ARAP1: variants seen among roughly 807,000 people sequenced by gnomAD.
ARAP1 encodes ArfGAP with RhoGAP domain, ankyrin repeat and PH domain 1.
ARAP1 carries 76 observed loss-of-function variants against 172.2 expected under a neutral mutation model. The observed-to-expected ratio is 0.44, with a 90% confidence interval of 0.37 to 0.53. The LOEUF (loss-of-function observed/expected upper bound fraction) is 0.53, where lower values mean the gene tolerates loss of function less well. ARAP1 is among the 20% of genes least tolerant of loss of function. ARAP1 has a pLI of 0.00. For missense variants in ARAP1, 1,686 were observed against 1,977.5 expected, an observed-to-expected ratio of 0.85 and a Z score of 2.80; for synonymous variants, 804 against 803.3, an observed-to-expected ratio of 1.00 and a Z score of -0.01.
chr11:72,696,752 C>T (rs2135505227), intron 22 of ARAP1, 98 bp from the exon 23 acceptor site: 1 of 1,073,896 alleles, frequency 9.3e-7, no homozygotes, highest in Non-Finnish European at 1.3e-6. Flanking sequence ...TGACAGCAGT[C>T]CCTGTGCCCT....
At chr11:72,749,805 C>T (rs1858481659) in intron 1 of ARAP1, among the ~76,000 whole-genome samples, 1 of 151,818 alleles carries the variant, frequency 6.6e-6, no homozygotes, top group Admixed American at 6.6e-5. Context: ...TGGCATGAAC[C>T]CAGAAGGTGG....
At position 72,697,309 on chromosome 11, in the gene ARAP1, G is replaced by T. The variant is rs374949815; in HGVS notation, c.2953+14C>A. The T allele has an allele frequency of 5.7e-5, 90 of 1,576,960 alleles. No individual in the cohort carries two copies. In the African/African-American group the frequency reaches 1.2e-3, roughly 21 times the overall value. On this transcript the variant is annotated intron_variant, in intron 21 of 34. Coordinates refer to ENST00000393609, the MANE Select transcript of ARAP1 (RefSeq NM_001040118.3). ...CGGGAGGGGCGGGGCTGGCACCCTAGGGGCAGGGCTCACCGCACTGCGTGA... is the reference window on the plus strand; with the variant it reads ...CGGGAGGGGCGGGGCTGGCACCCTATGGGCAGGGCTCACCGCACTGCGTGA...
chr11:72,714,279 T>A lies in ARAP1; in HGVS notation c.552A>T (p.Ser184=). 6.5e-7 allele frequency: 1 copy of A among 1,542,570 alleles called. No individual in the cohort carries two copies. Among genetic ancestry groups the A allele is most frequent in the Non-Finnish European group, 8.7e-7 (1 of 1,144,216 alleles). The change falls in exon 4 of 35, where the codon TCA becomes TCT. Residue 184 remains serine, a synonymous_variant. Coordinates refer to ENST00000393609, the MANE Select transcript of ARAP1 (RefSeq NM_001040118.3). ...KEEESLLPSL[S]SPPQPQSEEP... ...CCTCAGACTGTGGCTGGGGAGGGGA[T>A]GATAATGATGGCAGCAATGACTCCT...
At position 72,688,505 on chromosome 11, in the gene ARAP1, C is replaced by T. The variant is rs752770427; in HGVS notation, c.4020G>A (p.Lys1340=). 2 of 1,612,582 alleles carry T rather than the reference C, an allele frequency of 1.2e-6. No individual in the cohort carries two copies. The highest frequency in any genetic ancestry group is 1.3e-5 in the African/African-American group (1 of 74,886). The part of the protein sequence containing the change: ...SHRPEKEWPI[K]SLKVYLGVKK... ...TCACTCCCAGGTAGACTTTGAGACT[C>T]TTAATAGGCCACTCCTTCTCAGGCC... The change falls in exon 31 of 35, where the codon AAG becomes AAA. Residue 1340 remains lysine (K), a synonymous_variant. Coordinates refer to ENST00000393609, the MANE Select transcript of ARAP1 (RefSeq NM_001040118.3).
At chr11:72,691,175 C>T (rs1855918328) in intron 30 of ARAP1, among the ~76,000 whole-genome samples, 1 of 152,224 alleles carries the variant, frequency 6.6e-6, no homozygotes, top group Non-Finnish European at 1.5e-5. Context: ...GGGCAAGTCA[C>T]ACAAAGCCTG....
Position 72,695,885 on chromosome 11 carries a change from G to A in ARAP1, c.3273-20C>T, listed in dbSNP as rs181489523. ...TGAACACTGGAGAGGGGAGGAGGAG[G>A]GCTTTGAGTGAGGAGTCAGGCCAGA... On this transcript the variant is annotated intron_variant, in intron 23 of 34. Coordinates refer to ENST00000393609, the MANE Select transcript of ARAP1 (RefSeq NM_001040118.3). This position sits in a 1 kb window ranked among gnomAD's most constrained non-coding sequence, Gnocchi z 4.4. 53 of 1,601,428 alleles carry A rather than the reference G, an allele frequency of 3.3e-5. No homozygotes were observed. In the African/African-American group the frequency reaches 5.7e-4, roughly 17 times the overall value.
intron 3 of ARAP1, among the ~76,000 whole-genome samples, chr11:72,718,337 C>A (rs1857370749): frequency 6.6e-6 from 1 of 151,988 alleles, no homozygotes; most frequent in South Asian, 2.1e-4. Flanking sequence ...TCACTGCTTG[C>A]ACCCCTAAGA....
In ARAP1 at chr11:72,695,744, T is replaced by C. The variant is rs1856160245; in HGVS notation, c.3394A>G (p.Ile1132Val). 1 of 1,614,084 alleles carries C rather than the reference T, an allele frequency of 6.2e-7. No individual in the cohort carries two copies. The highest frequency in any genetic ancestry group is 1.7e-5 in the Admixed American group (1 of 59,998). Residue 1132 changes from isoleucine (I) to valine (V), a missense_variant, in exon 24 of 35, where the codon ATT becomes GTT. Coordinates refer to ENST00000393609, the MANE Select transcript of ARAP1 (RefSeq NM_001040118.3). The surrounding 1 kb of genome is among the most constrained non-coding windows in gnomAD (Gnocchi z 4.4). ...YKAGRVVEDL[I>V]NHYVVVFSVD... is the part of the protein sequence containing the mutation. ...CTAAACACCACCACATAGTGGTTAA[T>C]GAGGTCTTCCACCACACGGCCAGCC...
At chr11:72,739,161 G>A (rs1038271311) in intron 1 of ARAP1, among the ~76,000 whole-genome samples, 2 of 152,150 alleles carry the variant, frequency 1.3e-5, no homozygotes, top group South Asian at 2.1e-4. Flanking sequence ...TACAGCCTTC[G>A]AGTGGGCAGC....
intron 30 of ARAP1, 109 bp downstream of exon 30, chr11:72,692,644 C>A (rs560417410): frequency 2.8e-6 from 4 of 1,433,850 alleles, no homozygotes; most frequent in Admixed American, 3.4e-5. Context: ...GGGCAGGGAT[C>A]CATGCCTGGA....
chr11:72,716,998 T>C (rs2135554236), intron 3 of ARAP1, among the ~76,000 whole-genome samples: 1 of 152,262 alleles, frequency 6.6e-6, no homozygotes, highest in South Asian at 2.1e-4. Context: ...CTGAGTCCCT[T>C]TGGGGCAGGG....
Position 72,710,460 on chromosome 11 carries a change from C to T in ARAP1, c.1341G>A (p.Leu447=). The T allele has an allele frequency of 6.2e-7, 1 of 1,614,102 alleles. No individual in the cohort carries two copies. Among genetic ancestry groups the T allele is most frequent in the South Asian group, 1.1e-5 (1 of 91,086 alleles). ...GCTTATTCTTGAAGCCACGAAGCTC[C>T]AGGCTGCCAGCGCGGTCAGGCTGCT... ...GSEQPDRAGS[L]ELRGFKNKLY... is the part of the protein sequence containing the mutation. The change falls in exon 10 of 35, where the codon CTG becomes CTA. Residue 447 remains leucine, a synonymous_variant. Transcript: ENST00000393609. The surrounding 1 kb of genome is among the most constrained non-coding windows in gnomAD (Gnocchi z 4.3).
rs1470903348 is a variant in ARAP1, at chr11:72,726,644, G to A, written c.485C>T (p.Thr162Ile). The change falls in exon 3 of 35, where the codon ACC becomes ATC. Residue 162 changes from threonine (T) to isoleucine (I), a missense_variant. This residue lies in a region of ARAP1 where 155 missense variants were observed against 129.2 expected (regional missense o/e 1.20). Coordinates refer to ENST00000393609, the MANE Select transcript of ARAP1 (RefSeq NM_001040118.3). This position sits in a 1 kb window ranked among gnomAD's most constrained non-coding sequence, Gnocchi z 6.5. ...CCTCACCAGCAGGCGGGGGGGTCCG[G>A]TGCGGGGCGGCACGGGTGGAACGCT... is the stretch of plus-strand genomic sequence containing the variant. ...ELSVPPVPPR[T>I]GPPRLLVSLP... 2 of 1,526,962 alleles carry A rather than the reference G, an allele frequency of 1.3e-6. No individual in the cohort carries two copies. Among genetic ancestry groups the A allele is most frequent in the Non-Finnish European group, 1.8e-6 (2 of 1,135,906 alleles). The allele number at this position is 1,526,962 out of a possible 1,614,324, so 94.6% of individuals were successfully genotyped here. A position where few individuals can be genotyped will look rare whatever the true frequency, so the allele number is the denominator to read the frequency against.
chr11:72,717,168 T>A (rs1857312389), intron 3 of ARAP1, among the ~76,000 whole-genome samples: 1 of 151,988 alleles, frequency 6.6e-6, no homozygotes, highest in Admixed American at 6.5e-5. Context: ...TGAGCTGGGG[T>A]GCTGGCCCCA....
chr11:72,728,596 A>G (rs1857768868), intron 2 of ARAP1, among the ~76,000 whole-genome samples: 2 of 152,210 alleles, frequency 1.3e-5, no homozygotes. Flanking sequence ...AAAAACAAAA[A>G]CAAAAACAAA....
At chr11:72,729,045 A>G (rs1335206052) in intron 2 of ARAP1, among the ~76,000 whole-genome samples, 2 of 152,356 alleles carry the variant, frequency 1.3e-5, no homozygotes, top group East Asian at 1.9e-4. Flanking sequence ...TAAAGCCACA[A>G]TGATTAAAAC....
intron 4 of ARAP1, among the ~76,000 whole-genome samples, 155 bp downstream of exon 4, chr11:72,713,997 C>T (rs557262065): frequency 2.0e-5 from 3 of 152,250 alleles, no homozygotes; most frequent in East Asian, 3.9e-4. Context: ...AAGAGAATAG[C>T]GCTCAGGGAG....
At chr11:72,685,833 G>A (rs767826715) in intron 34 of ARAP1, 152 bp from the exon 35 acceptor site, 42 of 1,347,874 alleles carry the variant, frequency 3.1e-5, no homozygotes, top group Non-Finnish European at 1.0e-6. Flanking sequence ...GCCAGGCAGA[G>A]GGGACTCCCA....
intron 1 of ARAP1, among the ~76,000 whole-genome samples, chr11:72,740,141 GTCC>G (rs1858156223): frequency 6.6e-6 from 1 of 152,162 alleles, no homozygotes. Context: ...CTGGGTTTCA[GTCC>G]TCCTTCTTCT....
Sources: gnomAD v4.1 joint callset for allele counts (sites outside exome capture counted in the v4.1 genomes callset) on GRCh38, gnomAD v4.1.1 for gene constraint, gnomAD v4.1.1 regional missense constraint, Gnocchi (gnomAD v3.1) non-coding constraint, MANE v1.5 for transcripts, NCBI Gene and HGNC (gene_info 2026-07-23, HGNC 2026-07-21) for gene names.